ITPR1: variants seen among roughly 807,000 people sequenced by gnomAD.
ITPR1 encodes inositol 1,4,5-trisphosphate receptor type 1, also known as inositol 1,4,5-trisphosphate-gated calcium channel ITPR1.
ITPR1 carries 96 observed loss-of-function variants against 318.4 expected under a neutral mutation model. The ratio of observed to expected loss-of-function variants is 0.30; its 90% CI spans 0.26 to 0.36. The LOEUF (loss-of-function observed/expected upper bound fraction) is 0.36, where lower values mean the gene tolerates loss of function less well. Among genes scored for constraint, ITPR1 ranks in the 10% least tolerant of loss-of-function variants. ITPR1 has a pLI of 1.00. For synonymous variants in ITPR1, 1,312 were observed against 1,289.9 expected (o/e 1.02, Z -0.37); for missense variants, 2,440 against 3,460.2 (o/e 0.71, Z 7.40).
chr3:4,735,385 A>G (rs2043198154), intron 44 of ITPR1, 31 bp downstream of exon 44: 3 of 1,571,392 alleles, frequency 1.9e-6, no homozygotes, highest in South Asian at 1.1e-5. Context: ...CTGGTATGGC[A>G]TCCCTGCTGA....
chr3:4,673,451 G>A, intron 21 of ITPR1, 64 bp downstream of exon 21: 1 of 1,418,404 alleles, frequency 7.1e-7, no homozygotes, highest in South Asian at 1.7e-5. Context: ...AGCCCCATAT[G>A]GTCTCATTAA....
At chr3:4,700,322 C>T (rs2094627030) in intron 35 of ITPR1, among the ~76,000 whole-genome samples, 1 of 152,190 alleles carries the variant, frequency 6.6e-6, no homozygotes, top group Admixed American at 6.5e-5. Context: ...CTATAAGCTA[C>T]ATGAAGACAA....
At chr3:4,503,108 C>T (rs1172919186) in intron 2 of ITPR1, among the ~76,000 whole-genome samples, 2 of 152,014 alleles carry the variant, frequency 1.3e-5, no homozygotes, top group Non-Finnish European at 2.9e-5. Flanking sequence ...AAAGAAAAGC[C>T]CTTTATTGCA....
In ITPR1 at chr3:4,684,363, C is replaced by G; in HGVS notation, c.3564+17C>G. On this transcript the variant is annotated intron_variant, in intron 29 of 61. Transcript: ENST00000649015. ...GTCAAAGAGGTAAGCTCCTCCCCCA[C>G]CACCATTTTTCCTTTCTTTATGAAT... The G allele has an allele frequency of 6.3e-7, 1 of 1,580,676 alleles. No individual in the cohort carries two copies. The highest frequency in any genetic ancestry group is 1.1e-5 in the South Asian group (1 of 89,496).
At chr3:4,636,486 T>TGGTAC (rs1489865375) in intron 5 of ITPR1, among the ~76,000 whole-genome samples, 1 of 152,224 alleles carries the variant, frequency 6.6e-6, no homozygotes, top group Non-Finnish European at 1.5e-5. Flanking sequence ...TAGAGTGCAG[T>TGGTAC]GGTACTATCT....
chr3:4,748,029 G>T (rs999147056), intron 44 of ITPR1, among the ~76,000 whole-genome samples: 3 of 152,192 alleles, frequency 2.0e-5, no homozygotes, highest in Admixed American at 6.5e-5. Flanking sequence ...AGGGAGGAAG[G>T]TCTTCTCATT....
intron 37 of ITPR1, among the ~76,000 whole-genome samples, chr3:4,706,741 GAGA>G (rs2094766029): frequency 6.6e-6 from 1 of 152,178 alleles, no homozygotes; most frequent in Non-Finnish European, 1.5e-5. Flanking sequence ...TGATACCTGA[GAGA>G]AGAATTTTAC....
chr3:4,778,153 C>A (rs2046598854), intron 48 of ITPR1, among the ~76,000 whole-genome samples: 1 of 152,116 alleles, frequency 6.6e-6, no homozygotes, highest in Non-Finnish European at 1.5e-5. Context: ...TAAAGTATAC[C>A]CAGAAAACCC....
At chr3:4,768,807 GCTGCCAAGGCCTGCCTTCCTCTGATGGTT>G in intron 46 of ITPR1, 43 bp downstream of exon 46, 1 of 1,572,918 alleles carries the variant, frequency 6.4e-7, no homozygotes, top group South Asian at 1.2e-5. Context: ...CTCGGGAAAG[GCTGCCAAGGCCTGCCTTCCTCTGATGGTT>G]CAGCACCTCT....
intron 42 of ITPR1, among the ~76,000 whole-genome samples, chr3:4,727,982 C>T (rs543143427): frequency 6.6e-6 from 1 of 152,304 alleles, no homozygotes; most frequent in South Asian, 2.1e-4. Context: ...TCTAGGTATA[C>T]AACTTTTGTA....
At chr3:4,674,125 T>C (rs1295401200) in intron 21 of ITPR1, 77 bp from the exon 22 acceptor site, 2 of 1,229,122 alleles carry the variant, frequency 1.6e-6, no homozygotes, top group Non-Finnish European at 2.3e-6. Context: ...TGTTGACTTT[T>C]GAAGCTGAGT....
At chr3:4,554,967 T>C (rs2085978864) in intron 4 of ITPR1, among the ~76,000 whole-genome samples, 1 of 152,124 alleles carries the variant, frequency 6.6e-6, no homozygotes, top group South Asian at 2.1e-4. Context: ...GTGTGGGGAA[T>C]AGGGGTGAAG....
chr3:4,780,320 G>T (rs2046746109), intron 49 of ITPR1, among the ~76,000 whole-genome samples: 1 of 152,122 alleles, frequency 6.6e-6, no homozygotes, highest in Non-Finnish European at 1.5e-5. Context: ...GTCTCTTCTT[G>T]GTGCCAAGAG....
At chr3:4,534,744 A>T (rs1350170777) in intron 4 of ITPR1, among the ~76,000 whole-genome samples, 1 of 152,216 alleles carries the variant, frequency 6.6e-6, no homozygotes, top group Non-Finnish European at 1.5e-5. Context: ...TAAAAATGTT[A>T]TCAGTGATGA....
At chr3:4,661,227 A>G in intron 14 of ITPR1, 140 bp downstream of exon 14, 1 of 535,272 alleles carries the variant, frequency 1.9e-6, no homozygotes, top group Non-Finnish European at 3.4e-6. Context: ...CTTGAATGTG[A>G]CAAAAGAATA....
chr3:4,666,789 T>G (rs1484951151), intron 17 of ITPR1, among the ~76,000 whole-genome samples: 6 of 152,232 alleles, frequency 3.9e-5, no homozygotes, highest in Non-Finnish European at 7.3e-5. Flanking sequence ...CACAAATATT[T>G]CTATGGAATG....
At chr3:4,729,226 C>T (rs2042734349) in intron 42 of ITPR1, among the ~76,000 whole-genome samples, 1 of 152,150 alleles carries the variant, frequency 6.6e-6, no homozygotes, top group Admixed American at 6.5e-5. Context: ...AAGTTAACCT[C>T]CCTGTGCCTC....
Position 4,717,163 on chromosome 3 carries a change from G to A in ITPR1, c.5104-204G>A, listed in dbSNP as rs116487205. ...CCTGATATGTGAATAAAGCGTGGCA[G>A]CATCGTGTCCGTTTTGGTCCTGAGC... On this transcript the variant is annotated intron_variant, in intron 39 of 61. Transcript: ENST00000649015. 3.2e-3 allele frequency among the ~76,000 whole-genome samples: 489 copies of A among 152,348 alleles called. 6 individuals are homozygous for A. The highest frequency in any genetic ancestry group is 0.011 in the African/African-American group (464 of 41,596).
intron 5 of ITPR1, among the ~76,000 whole-genome samples, chr3:4,628,189 G>A (rs974871999): frequency 2.6e-5 from 4 of 152,256 alleles, no homozygotes; most frequent in Admixed American, 6.5e-5. Context: ...CCACCACTCA[G>A]CAACTGGTGC....
Sources: gnomAD v4.1 joint callset for allele counts (sites outside exome capture counted in the v4.1 genomes callset) on GRCh38, gnomAD v4.1.1 for gene constraint, MANE v1.5 for transcripts, NCBI Gene and HGNC (gene_info 2026-07-23, HGNC 2026-07-21) for gene names.